NDC80: variants seen among roughly 807,000 people sequenced by gnomAD.
The protein encoded by NDC80 is kinetochore protein NDC80 homolog.
Under a neutral mutation model 89.3 loss-of-function variants are expected in NDC80, and 69 were observed. The ratio of observed to expected loss-of-function variants is 0.77; its 90% confidence interval spans 0.64 to 0.94. The LOEUF is 0.94. NDC80 is among the 40% of genes least tolerant of loss of function. The pLI, the probability that NDC80 is intolerant of heterozygous loss-of-function variation, is 0.00. For synonymous variants in NDC80, 243 were observed against 255.6 expected, an observed-to-expected ratio of 0.95 and a Z score of 0.47; for missense variants, 593 against 739.6, an observed-to-expected ratio of 0.80 and a Z score of 2.30.
At position 2,578,037 on chromosome 18, in the gene NDC80, C is replaced by T; in HGVS notation, c.372C>T (p.Asp124=). 6.2e-7 allele frequency: 1 copy of T among 1,614,026 alleles called. No individual in the cohort carries two copies. Among genetic ancestry groups the T allele is most frequent in the Non-Finnish European group, 8.5e-7 (1 of 1,179,954 alleles). The part of the protein sequence containing the change: ...MKSLQAPSVK[D]FLKIFTFLYG... ...CTCTACAAGCTCCCTCTGTTAAAGA[C>T]TTCCTGAAGATCTTCACATTTCTTT... Residue 124 remains aspartate (D), a synonymous_variant, in exon 5 of 17, where the codon GAC becomes GAT. Coordinates refer to ENST00000261597, the MANE Select transcript of NDC80 (RefSeq NM_006101.3).
intron 9 of NDC80, 85 bp from the exon 10 acceptor site, chr18:2,589,933 A>G (rs1361450123): frequency 2.0e-6 from 2 of 975,684 alleles, no homozygotes; most frequent in African/African-American, 1.7e-5. Context: ...TCTCTAAAAT[A>G]AATTTAAATA....
intron 16 of NDC80, among the ~76,000 whole-genome samples, chr18:2,611,535 T>TA (rs1394428339): frequency 6.6e-6 from 1 of 152,218 alleles, no homozygotes; most frequent in African/African-American, 2.4e-5. Context: ...GGGCATATCT[T>TA]ATGATGATCG....
At chr18:2,614,557 AAGGAAGGGAAAG>A (rs2072767001) in intron 16 of NDC80, 3 of 4,470 alleles carry the variant, frequency 6.7e-4, no homozygotes, top group African/African-American at 1.3e-3. Flanking sequence ...GGAAGGAAGG[AAGGAAGGGAAAG>A]AAAGAAAGAA....
chr18:2,598,634 C>T (rs922309563), intron 11 of NDC80, among the ~76,000 whole-genome samples: 2 of 152,132 alleles, frequency 1.3e-5, no homozygotes, highest in Non-Finnish European at 2.9e-5. Context: ...ATTTTGGATA[C>T]ATGAAATGTT....
In NDC80 at chr18:2,585,198, A is replaced by T. The variant is rs754890184; in HGVS notation, c.665A>T (p.Asn222Ile). The T allele has an allele frequency of 4.4e-6, 7 of 1,604,204 alleles. No homozygotes were observed. The highest frequency in any genetic ancestry group is 1.3e-5 in the African/African-American group (1 of 74,840). ...GEETEDGIMH[N>I]KLFLDYTIKC... Reference sequence around the variant, plus strand: ...GAAACTGAAGATGGAATTATGCATAATAAGGTACCATGTATTATCATAAAC... The same window carrying T: ...GAAACTGAAGATGGAATTATGCATATTAAGGTACCATGTATTATCATAAAC... Residue 222 changes from asparagine (N) to isoleucine (I), a missense_variant, in exon 7 of 17, where the codon AAT becomes ATT. Coordinates refer to ENST00000261597, the MANE Select transcript of NDC80 (RefSeq NM_006101.3).
At chr18:2,591,085 A>T in intron 10 of NDC80, among the ~76,000 whole-genome samples, 1 of 152,154 alleles carries the variant, frequency 6.6e-6, no homozygotes, top group East Asian at 1.9e-4. Context: ...AGTCTGCTAT[A>T]ACTGGCTATC....
intron 6 of NDC80, 88 bp from the exon 7 acceptor site, chr18:2,585,025 T>C (rs1353292140): frequency 8.9e-6 from 8 of 902,418 alleles, no homozygotes; most frequent in African/African-American, 1.7e-5. Flanking sequence ...TAAATGCTTC[T>C]AAAATTGACA....
At chr18:2,572,316 TG>T (rs555275757) in intron 1 of NDC80, among the ~76,000 whole-genome samples, 50 of 152,296 alleles carry the variant, frequency 3.3e-4, no homozygotes, top group African/African-American at 1.2e-3. Context: ...GTCAATCATG[TG>T]TATCCTAGGA....
At chr18:2,605,723 A>T (rs1055748285) in intron 13 of NDC80, among the ~76,000 whole-genome samples, 30 of 143,696 alleles carry the variant, frequency 2.1e-4, no homozygotes, top group African/African-American at 6.6e-4. Flanking sequence ...ATTATCCTTT[A>T]AAAAAAAGTC....
chr18:2,601,518 T>C, intron 13 of NDC80, 33 bp downstream of exon 13: 1 of 1,012,362 alleles, frequency 9.9e-7, no homozygotes, highest in Non-Finnish European at 1.4e-6. Context: ...TCATAAAAAG[T>C]GAAAATTAGA....
intron 10 of NDC80, among the ~76,000 whole-genome samples, chr18:2,591,841 G>A (rs1391935199): frequency 9.4e-5 from 14 of 148,160 alleles, no homozygotes; most frequent in Admixed American, 4.1e-4. Context: ...TGCAACCTCC[G>A]CCTCCCGGGT....
intron 13 of NDC80, among the ~76,000 whole-genome samples, chr18:2,604,717 A>T (rs1203180935): frequency 6.6e-6 from 1 of 152,112 alleles, no homozygotes; most frequent in African/African-American, 2.4e-5. Context: ...ATATTAGTAA[A>T]TTACCATGAG....
intron 11 of NDC80, among the ~76,000 whole-genome samples, chr18:2,597,680 A>G (rs1404189904): frequency 1.3e-5 from 2 of 152,176 alleles, no homozygotes; most frequent in Non-Finnish European, 2.9e-5. Context: ...CAGTGAGCCA[A>G]GATCCCACTA....
intron 16 of NDC80, among the ~76,000 whole-genome samples, chr18:2,612,276 CTTTTTTTTTTTTTTT>C (rs55648444): frequency 2.5e-4 from 15 of 60,402 alleles, no homozygotes; most frequent in African/African-American, 6.4e-4. Context: ...TCTTTTCTTT[CTTTTTTTTTTTTTTT>C]TTTTTTTTTT....
rs191936797 is a variant in NDC80 at position 2,613,237 on chromosome 18, C to T, written c.1791+2376C>T. ...TATATCTTTGGCTGGTTTTGCACTA[C>T]AGTGGCAGAATTGAGCAATTGTTAA... On this transcript the variant is annotated intron_variant, in intron 16 of 16. Transcript: ENST00000261597. Among the ~76,000 whole-genome samples the T allele has an allele frequency of 1.8e-3, 277 of 152,354 alleles. 3 individuals carry two copies. The highest frequency in any genetic ancestry group is 0.012 in the South Asian group (60 of 4,832).
chr18:2,591,216 G>A (rs570879333), intron 10 of NDC80, among the ~76,000 whole-genome samples: 1 of 152,304 alleles, frequency 6.6e-6, no homozygotes, highest in Admixed American at 6.5e-5. Context: ...TATGTCTTAT[G>A]TCTTGTAAGC....
intron 7 of NDC80, among the ~76,000 whole-genome samples, chr18:2,585,620 G>A (rs2072599592): frequency 6.6e-6 from 1 of 152,048 alleles, no homozygotes. Context: ...GTCAGGGATT[G>A]TCTGTATATT....
At chr18:2,576,771 C>T (rs555459685) in intron 3 of NDC80, among the ~76,000 whole-genome samples, 116 of 152,116 alleles carry the variant, frequency 7.6e-4, no homozygotes, top group African/African-American at 2.6e-3. Flanking sequence ...TTTAAACAGG[C>T]GCATTTTATT....
At position 2,585,099 on chromosome 18, in the gene NDC80, T is replaced by G. The variant is rs1425165496; in HGVS notation, c.580-14T>G. ...TTCAGATCAACTTGCTTTTCTTGCT[T>G]GTGTACTAATTAGATACATACTGCC... is the stretch of plus-strand genomic sequence containing the variant. On this transcript the variant is annotated splice_polypyrimidine_tract_variant and intron_variant, in intron 6 of 16. Transcript: ENST00000261597. The G allele has an allele frequency of 6.2e-7, 1 of 1,601,610 alleles. No individual in the cohort carries two copies. The highest frequency in any genetic ancestry group is 8.5e-7 in the Non-Finnish European group (1 of 1,169,622).
Sources: allele counts gnomAD v4.1 joint callset (sites outside exome capture counted in the v4.1 genomes callset), GRCh38; gene constraint gnomAD v4.1.1; transcripts MANE v1.5; gene names NCBI Gene and HGNC (gene_info 2026-07-23, HGNC 2026-07-21).